SNTG1: variants seen among roughly 807,000 people sequenced by gnomAD.
The protein encoded by SNTG1 is gamma-1-syntrophin.
SNTG1 carries 39 observed loss-of-function variants against 74.7 expected under a neutral mutation model. The observed-to-expected ratio is 0.52, with a 90% CI of 0.40 to 0.68. The LOEUF (loss-of-function observed/expected upper bound fraction) is 0.68, where lower values mean the gene tolerates loss of function less well. Among genes scored for constraint, SNTG1 ranks in the 30% least tolerant of loss-of-function variants. The probability of loss-of-function intolerance (pLI) is 0.00; values close to 1 mark genes in which losing one functional copy is unlikely to be tolerated. For synonymous variants in SNTG1, 254 were observed against 217.1 expected, an observed-to-expected ratio of 1.17 and a Z score of -1.49; for missense variants, 685 against 609.5, an observed-to-expected ratio of 1.12 and a Z score of -1.30.
At chr8:50,435,299 T>C (rs771648590) in intron 4 of SNTG1, among the ~76,000 whole-genome samples, 3 of 152,132 alleles carry the variant, frequency 2.0e-5, no homozygotes, top group Non-Finnish European at 4.4e-5. Flanking sequence ...GGATTTTGTG[T>C]TTTACAAAAT....
At chr8:50,344,826 A>C (rs1160307240) in intron 2 of SNTG1, among the ~76,000 whole-genome samples, 1 of 152,206 alleles carries the variant, frequency 6.6e-6, no homozygotes, top group Non-Finnish European at 1.5e-5. Flanking sequence ...CCTAACCCCT[A>C]GTACCTCAGA....
At chr8:50,544,392 A>T (rs1469541334) in intron 11 of SNTG1, among the ~76,000 whole-genome samples, 2 of 151,952 alleles carry the variant, frequency 1.3e-5, no homozygotes, top group Admixed American at 1.3e-4. Context: ...AACTATTCAA[A>T]CATATTCTAT....
intron 1 of SNTG1, among the ~76,000 whole-genome samples, chr8:50,038,053 A>G (rs926006182): frequency 6.6e-6 from 1 of 152,154 alleles, no homozygotes; most frequent in Non-Finnish European, 1.5e-5. Context: ...ACGCTTTCCT[A>G]AGACTTCCAC....
intron 12 of SNTG1, among the ~76,000 whole-genome samples, chr8:50,556,286 TGCTTTCACATTG>T (rs1326361308): frequency 1.3e-5 from 2 of 152,194 alleles, no homozygotes; most frequent in Non-Finnish European, 2.9e-5. Context: ...TTAAATTCTA[TGCTTTCACATTG>T]GAAAGCAAAG....
chr8:50,182,992 C>T lies in SNTG1; in HGVS notation c.-28+10357C>T, dbSNP rs543672886. Among the ~76,000 whole-genome samples the T allele has an allele frequency of 2.6e-5, 4 of 152,210 alleles. No homozygotes were observed. In the South Asian group the frequency reaches 8.3e-4, roughly 32 times the overall value. ...CATCCCAAGATGATGTCACTGATGC[C>T]GCATACCAAGTGGTGGCCAACTTTA... is the stretch of plus-strand genomic sequence containing the variant. On this transcript the variant is annotated intron_variant, in intron 2 of 18. Transcript: ENST00000642720.
At chr8:50,668,148 T>C (rs2095259614) in intron 15 of SNTG1, among the ~76,000 whole-genome samples, 1 of 152,016 alleles carries the variant, frequency 6.6e-6, no homozygotes, top group Non-Finnish European at 1.5e-5. Context: ...ATAATCGTCA[T>C]TGATTAAAAA....
intron 1 of SNTG1, among the ~76,000 whole-genome samples, chr8:49,959,606 T>G (rs1406850968): frequency 6.6e-6 from 1 of 152,270 alleles, no homozygotes; most frequent in African/African-American, 2.4e-5. Context: ...CCATCCATGT[T>G]GTGTAGCACG....
chr8:50,682,098 A>G (rs1226151442), intron 15 of SNTG1, among the ~76,000 whole-genome samples: 1 of 152,182 alleles, frequency 6.6e-6, no homozygotes, highest in Non-Finnish European at 1.5e-5. Context: ...ACTTGAACAT[A>G]AATTTAATTT....
chr8:50,416,756 G>A (rs2093018713), intron 4 of SNTG1, among the ~76,000 whole-genome samples: 1 of 151,980 alleles, frequency 6.6e-6, no homozygotes, highest in Non-Finnish European at 1.5e-5. Flanking sequence ...CATAAATGAA[G>A]ACTTTGACAT....
At chr8:50,564,694 A>G (rs2094506317) in intron 12 of SNTG1, among the ~76,000 whole-genome samples, 1 of 152,092 alleles carries the variant, frequency 6.6e-6, no homozygotes, top group Non-Finnish European at 1.5e-5. Flanking sequence ...AGAAGTGTTA[A>G]ATATCATAGT....
At chr8:50,253,362 A>G (rs12677522) in intron 2 of SNTG1, among the ~76,000 whole-genome samples, 85,886 of 151,928 alleles carry the variant, frequency 0.57, 27,984 homozygotes, top group East Asian at 0.83. Context: ...GGCAGAGGTG[A>G]CTGTGAGTGG....
intron 8 of SNTG1, among the ~76,000 whole-genome samples, chr8:50,462,796 C>CTTTTTTTTTTTTTTTTTTTTTT (rs869119447): frequency 3.5e-5 from 2 of 57,472 alleles, no homozygotes; most frequent in African/African-American, 5.9e-5. Context: ...AGGTTCTACT[C>CTTTTTTTTTTTTTTTTTTTTTT]TTTTTTTTTT....
chr8:50,782,096 C>T (rs1370820902), intron 18 of SNTG1, among the ~76,000 whole-genome samples: 2 of 152,304 alleles, frequency 1.3e-5, no homozygotes, highest in East Asian at 1.9e-4. Flanking sequence ...ATGGGCTTCC[C>T]TTTGTGGCTA....
chr8:50,443,907 G>A (rs576872162), intron 5 of SNTG1, among the ~76,000 whole-genome samples: 1 of 152,180 alleles, frequency 6.6e-6, no homozygotes, highest in South Asian at 2.1e-4. Flanking sequence ...GCCAAGGCAG[G>A]CGGATCATTT....
intron 1 of SNTG1, among the ~76,000 whole-genome samples, chr8:50,145,554 T>G (rs1394784047): frequency 6.6e-6 from 1 of 152,134 alleles, no homozygotes. Context: ...GATGAAACTC[T>G]AGGGATGAAG....
At chr8:50,489,228 A>G (rs1352353111) in intron 8 of SNTG1, among the ~76,000 whole-genome samples, 1 of 152,238 alleles carries the variant, frequency 6.6e-6, no homozygotes. Flanking sequence ...CAGTGCTGCA[A>G]TAAACATACG....
chr8:50,484,719 C>T (rs1347664879), intron 8 of SNTG1, among the ~76,000 whole-genome samples: 4 of 151,436 alleles, frequency 2.6e-5, no homozygotes, highest in Non-Finnish European at 2.9e-5. Context: ...ATTAGCCACA[C>T]GTGATGGTGC....
At chr8:50,450,360 T>A (rs539368301) in intron 6 of SNTG1, among the ~76,000 whole-genome samples, 196 bp from the exon 7 acceptor site, 1 of 152,224 alleles carries the variant, frequency 6.6e-6, no homozygotes, top group African/African-American at 2.4e-5. Context: ...AATGGAAATA[T>A]GTCTGCATGT....
At chr8:49,974,284 C>A (rs889906191) in intron 1 of SNTG1, among the ~76,000 whole-genome samples, 1 of 152,128 alleles carries the variant, frequency 6.6e-6, no homozygotes, top group Non-Finnish European at 1.5e-5. Flanking sequence ...AATAATATTC[C>A]ATTGATGAGC....
Sources: allele counts gnomAD v4.1 joint callset (sites outside exome capture counted in the v4.1 genomes callset), GRCh38; gene constraint gnomAD v4.1.1; transcripts MANE v1.5; gene names NCBI Gene and HGNC (gene_info 2026-07-23, HGNC 2026-07-21).